PLAA: variants seen among roughly 807,000 people sequenced by gnomAD.
PLAA encodes the protein phospholipase A-2-activating protein.
Under a neutral mutation model 84.1 loss-of-function variants are expected in PLAA, and 48 were observed. The ratio of observed to expected loss-of-function variants is 0.57; its 90% CI spans 0.45 to 0.73. The LOEUF (loss-of-function observed/expected upper bound fraction) is 0.73. Among genes scored for constraint, PLAA ranks in the 30% least tolerant of loss-of-function variants. PLAA has a pLI of 0.00. For synonymous variants in PLAA, 392 were observed against 336.6 expected (o/e 1.16, Z -1.80); for missense variants, 903 against 954.7 (o/e 0.95, Z 0.71).
Position 26,907,980 on chromosome 9 carries a change from T to C in PLAA, c.1676A>G (p.Asn559Ser). 1 of 1,589,204 alleles carries C rather than the reference T, an allele frequency of 6.3e-7. No individual in the cohort carries two copies. Among genetic ancestry groups the C allele is most frequent in the Non-Finnish European group, 8.5e-7 (1 of 1,173,000 alleles). The change falls in exon 13 of 14, where the codon AAT (asparagine) becomes AGT (serine). Residue 559 changes from asparagine (N) to serine (S), a missense_variant. Coordinates refer to ENST00000397292, the MANE Select transcript of PLAA (RefSeq NM_001031689.3). ...CTTCTTCTCTTCAGGTGCAGTTCCATTAAGTTCCTTCAGTTTACCTAGAAC... is the reference window on the plus strand; with the variant it reads ...CTTCTTCTCTTCAGGTGCAGTTCCACTAAGTTCCTTCAGTTTACCTAGAAC... ...TQILGKLKEL[N>S]GTAPEEKKLT...
At chr9:26,942,277 T>A (rs1825566574) in intron 1 of PLAA, among the ~76,000 whole-genome samples, 1 of 151,982 alleles carries the variant, frequency 6.6e-6, no homozygotes, top group African/African-American at 2.4e-5. Flanking sequence ...AAATCCAACA[T>A]ATGAGGTTCA....
chr9:26,906,526 C>A (rs1488532726), intron 13 of PLAA, among the ~76,000 whole-genome samples: 1 of 147,410 alleles, frequency 6.8e-6, no homozygotes, highest in Non-Finnish European at 1.5e-5. Context: ...CTCCCGGGTT[C>A]AAGCAATTCT....
intron 5 of PLAA, 135 bp from the exon 6 acceptor site, chr9:26,926,095 CACTT>C (rs1220318769): frequency 1.7e-5 from 12 of 695,396 alleles, no homozygotes; most frequent in Non-Finnish European, 2.4e-5. Flanking sequence ...ATATGTTTGT[CACTT>C]ACAACATATA....
At chr9:26,924,212 C>A (rs1392693112) in intron 6 of PLAA, among the ~76,000 whole-genome samples, 1 of 152,150 alleles carries the variant, frequency 6.6e-6, no homozygotes. Flanking sequence ...CTCACTGCAA[C>A]CTCAAATTCC....
intron 6 of PLAA, among the ~76,000 whole-genome samples, chr9:26,925,120 T>C (rs1824899504): frequency 6.6e-6 from 1 of 152,240 alleles, no homozygotes; most frequent in South Asian, 2.1e-4. Flanking sequence ...TCCTACCCAT[T>C]AGCATTGTGG....
chr9:26,932,369 A>G lies in PLAA; in HGVS notation c.343+2644T>C, dbSNP rs558186273. On this transcript the variant is annotated intron_variant, in intron 2 of 13. Coordinates refer to ENST00000397292, the MANE Select transcript of PLAA (RefSeq NM_001031689.3). ...AACAAACTAAGAATGTTTTTTACGT[A>G]TTGAAGTAATTGAGAGAAAAACAAT... 1.3e-4 allele frequency among the ~76,000 whole-genome samples: 20 copies of G among 152,366 alleles called. 1 individual carries two copies. In the East Asian group the frequency reaches 3.7e-3, roughly 28 times the overall value.
At position 26,926,412 on chromosome 9, in the gene PLAA, G is replaced by A. The variant is rs140362355; in HGVS notation, c.714C>T (p.Ser238=). The part of the protein sequence containing the change: ...YGHTNYIYSI[S]VFPNCRDFVT... ...TCTTACCTCTACAATTTGGAAAAAC[G>A]GATATGCTATAAATATAATTTGTAT... The change falls in exon 5 of 14, where the codon TCC becomes TCT. Residue 238 remains serine (S), a synonymous_variant. Transcript: ENST00000397292. 440 of 1,604,350 alleles carry A rather than the reference G, an allele frequency of 2.7e-4. 5 individuals are homozygous for A. Among genetic ancestry groups the A allele is most frequent in the South Asian group, 1.3e-4 (12 of 90,612 alleles).
intron 9 of PLAA, 79 bp from the exon 10 acceptor site, chr9:26,917,244 A>G: frequency 9.0e-7 from 1 of 1,109,218 alleles, no homozygotes; most frequent in South Asian, 1.3e-5. Flanking sequence ...TTGTTTTAGA[A>G]GAACCTACAT....
rs189842653 is a variant in PLAA, at chr9:26,924,224, G to A, written c.870-877C>T. On this transcript the variant is annotated intron_variant, in intron 6 of 13. Transcript: ENST00000397292. ...CAGCTCACTGCAACCTCAAATTCCC[G>A]GGCCCAAGCAATCCTCCCACCTCAG... Among the ~76,000 whole-genome samples the A allele has an allele frequency of 3.5e-3, 537 of 152,066 alleles. 2 individuals carry two copies. Among genetic ancestry groups the A allele is most frequent in the Non-Finnish European group, 6.2e-3 (420 of 67,984 alleles).
At position 26,919,543 on chromosome 9, in the gene PLAA, A is replaced by T; in HGVS notation, c.1198-14T>A. 2 of 1,374,538 alleles carry T rather than the reference A, an allele frequency of 1.5e-6. No individual in the cohort carries two copies. Among genetic ancestry groups the T allele is most frequent in the Non-Finnish European group, 2.1e-6 (2 of 964,860 alleles). The allele number at this position is 1,374,538 out of a possible 1,614,324, so 85.1% of individuals were successfully genotyped here. ...ATAATCAAATTCCTAAAGTAGGAAT[A>T]TAAAAAGGAGATACATGCTTATTAT... On this transcript the variant is annotated splice_polypyrimidine_tract_variant and intron_variant, in intron 8 of 13. Transcript: ENST00000397292.
intron 11 of PLAA, among the ~76,000 whole-genome samples, chr9:26,911,184 G>A (rs534729276): frequency 1.3e-5 from 2 of 152,092 alleles, no homozygotes; most frequent in South Asian, 2.1e-4. Flanking sequence ...ACAGAGTCAC[G>A]CTCTGTTGCC....
intron 9 of PLAA, among the ~76,000 whole-genome samples, chr9:26,917,760 A>G (rs1317915908): frequency 6.6e-6 from 1 of 152,210 alleles, no homozygotes; most frequent in East Asian, 1.9e-4. Flanking sequence ...GTATGTGCCT[A>G]TGTTTTGTTA....
At chr9:26,910,266 G>T in intron 12 of PLAA, 72 bp downstream of exon 12, 1 of 1,086,454 alleles carries the variant, frequency 9.2e-7, no homozygotes, top group Non-Finnish European at 1.4e-6. Flanking sequence ...ACACATGTTG[G>T]CAAGAGAAAC....
At chr9:26,942,368 G>C (rs1215416684) in intron 1 of PLAA, among the ~76,000 whole-genome samples, 2 of 152,198 alleles carry the variant, frequency 1.3e-5, no homozygotes, top group Non-Finnish European at 2.9e-5. Context: ...AGGTCAGAAA[G>C]TTTGCATTGT....
Position 26,905,052 on chromosome 9 carries a change from T to C in PLAA, c.*459A>G, listed in dbSNP as rs1040772951. On this transcript the variant is annotated 3_prime_UTR_variant, in exon 14 of 14. Coordinates refer to ENST00000397292, the MANE Select transcript of PLAA (RefSeq NM_001031689.3). ...ATTATTTTATAAATTTAATATAATT[T>C]AAAAAATTTTAAAGTAGTTATCCTA... is the stretch of plus-strand genomic sequence containing the variant. The C allele has an allele frequency of 6.6e-6, 1 of 152,172 alleles. No individual in the cohort carries two copies. The highest frequency in any genetic ancestry group is 2.4e-5 in the African/African-American group (1 of 41,422). 9.4% of individuals were successfully genotyped at this position (152,172 alleles called of 1,614,324 possible).
chr9:26,946,601 A>G (rs1825727276), intron 1 of PLAA, among the ~76,000 whole-genome samples: 1 of 152,172 alleles, frequency 6.6e-6, no homozygotes, highest in Admixed American at 6.5e-5. Flanking sequence ...TTCAAGTCTA[A>G]AAGAAACTTG....
At chr9:26,930,936 TATGATATAA>T (rs1825164207) in intron 2 of PLAA, among the ~76,000 whole-genome samples, 1 of 151,340 alleles carries the variant, frequency 6.6e-6, no homozygotes, top group East Asian at 1.9e-4. Flanking sequence ...CACAAATCAG[TATGATATAA>T]TTGGATAAAA....
chr9:26,907,783 A>C, intron 13 of PLAA, 51 bp downstream of exon 13: 1 of 1,432,456 alleles, frequency 7.0e-7, no homozygotes, highest in Non-Finnish European at 9.6e-7. Context: ...GATAGAAATG[A>C]AGATAAAACT....
At chr9:26,933,608 A>G (rs1437134199) in intron 2 of PLAA, among the ~76,000 whole-genome samples, 3 of 151,646 alleles carry the variant, frequency 2.0e-5, no homozygotes, top group East Asian at 3.9e-4. Context: ...CTAACATGGT[A>G]AAACCCTGTC....
Sources: allele counts gnomAD v4.1 joint callset (sites outside exome capture counted in the v4.1 genomes callset), GRCh38; gene constraint gnomAD v4.1.1; transcripts MANE v1.5; gene names NCBI Gene and HGNC (gene_info 2026-07-23, HGNC 2026-07-21).